The following ABHD12 variants were observed in gnomAD, a reference collection of about 807,000 sequenced individuals.
ABHD12 encodes abhydrolase domain containing 12, lysophospholipase, also known as lysophosphatidylserine lipase ABHD12.
ABHD12 carries 43 observed loss-of-function variants against 58.3 expected under a neutral mutation model. The observed-to-expected ratio is 0.74, with a 90% CI of 0.58 to 0.95. The LOEUF is 0.95. ABHD12 is among the 40% of genes least tolerant of loss of function. The pLI is 0.00. For synonymous variants in ABHD12, 219 were observed against 211.2 expected (o/e 1.04, Z -0.32); for missense variants, 539 against 537.2 (o/e 1.00, Z -0.03).
At chr20:25,335,020 C>G (rs2089339896) in intron 2 of ABHD12, among the ~76,000 whole-genome samples, 1 of 151,926 alleles carries the variant, frequency 6.6e-6, no homozygotes, top group Admixed American at 6.6e-5. Flanking sequence ...GAATAGGCAA[C>G]CTACAAAATG....
Position 25,303,629 on chromosome 20 carries a change from C to T in ABHD12, c.951-1G>A, listed in dbSNP as rs2145920950. 6.2e-7 allele frequency: 1 copy of T among 1,613,630 alleles called. No individual in the cohort carries two copies. The highest frequency in any genetic ancestry group is 1.3e-5 in the African/African-American group (1 of 75,048). ...CAGGGGACAGGAGATGTGCTTCACG[C>T]TGTAGGAGGGAGAAGGGGCTAGACC... On this transcript the variant is annotated splice_acceptor_variant, in intron 10 of 12. Coordinates refer to ENST00000339157, the MANE Select transcript of ABHD12 (RefSeq NM_001042472.3). LOFTEE classifies it high-confidence loss of function.
At chr20:25,379,806 C>T (rs2090001554) in intron 1 of ABHD12, among the ~76,000 whole-genome samples, 1 of 151,786 alleles carries the variant, frequency 6.6e-6, no homozygotes, top group African/African-American at 2.4e-5. Flanking sequence ...ATGGCTCACA[C>T]AGTCTTGACC....
At chr20:25,307,208 C>G (rs1428785867) in intron 9 of ABHD12, among the ~76,000 whole-genome samples, 1 of 152,240 alleles carries the variant, frequency 6.6e-6, no homozygotes. Context: ...CCAGCCAGGC[C>G]AGAATCCACC....
intron 2 of ABHD12, among the ~76,000 whole-genome samples, chr20:25,335,724 G>A (rs1357934140): frequency 2.0e-5 from 3 of 148,606 alleles, no homozygotes; most frequent in African/African-American, 5.0e-5. Context: ...ACCAAACACC[G>A]CATATTCTCA....
chr20:25,382,940 G>GC (rs1170351303), intron 1 of ABHD12, among the ~76,000 whole-genome samples: 1 of 146,326 alleles, frequency 6.8e-6, no homozygotes, highest in Non-Finnish European at 1.5e-5. Flanking sequence ...TACCAGTTGA[G>GC]GGGGGGGGCC....
chr20:25,388,312 G>A (rs1490754640), intron 1 of ABHD12, among the ~76,000 whole-genome samples: 1 of 152,214 alleles, frequency 6.6e-6, no homozygotes, highest in African/African-American at 2.4e-5. Flanking sequence ...CATTCAACAA[G>A]TATTTTCTGC....
At position 25,323,431 on chromosome 20, in the gene ABHD12, C is replaced by T. The variant is rs757242322; in HGVS notation, c.317-1G>A. On this transcript the variant is annotated splice_acceptor_variant, in intron 2 of 12. Coordinates refer to ENST00000339157, the MANE Select transcript of ABHD12 (RefSeq NM_001042472.3). LOFTEE classifies it high-confidence loss of function. The stretch of plus-strand genomic sequence containing the variant: ...AAATCAATGAAATAGGGAACTCTTA[C>T]TGTAGGAAATAAAGAGATGGAAATT... 6.3e-7 allele frequency: 1 copy of T among 1,585,612 alleles called. No individual in the cohort carries two copies. Among genetic ancestry groups the T allele is most frequent in the Non-Finnish European group, 8.7e-7 (1 of 1,154,084 alleles).
chr20:25,359,246 C>A (rs1663803883), intron 1 of ABHD12, among the ~76,000 whole-genome samples: 1 of 150,852 alleles, frequency 6.6e-6, no homozygotes, highest in South Asian at 2.1e-4. Context: ...ACGGTGAAAC[C>A]CCGTCTCTAC....
At chr20:25,345,775 C>T (rs535250141) in intron 1 of ABHD12, among the ~76,000 whole-genome samples, 3 of 152,238 alleles carry the variant, frequency 2.0e-5, no homozygotes, top group African/African-American at 7.2e-5. Context: ...ATGCAAAACA[C>T]TGATAACACT....
At chr20:25,366,477 G>T (rs1238395629) in intron 1 of ABHD12, among the ~76,000 whole-genome samples, 1 of 151,976 alleles carries the variant, frequency 6.6e-6, no homozygotes, top group Non-Finnish European at 1.5e-5. Flanking sequence ...TGTTGGTCAG[G>T]CTGGTCTCGA....
At chr20:25,311,872 T>C (rs117915702) in intron 6 of ABHD12, among the ~76,000 whole-genome samples, 4,630 of 152,042 alleles carry the variant, frequency 0.03, 122 homozygotes, top group Non-Finnish European at 0.044. Context: ...GCTCAGCTAC[T>C]TTTTTTTGTA....
At chr20:25,373,829 T>G (rs1302902871) in intron 1 of ABHD12, among the ~76,000 whole-genome samples, 1 of 152,196 alleles carries the variant, frequency 6.6e-6, no homozygotes, top group Non-Finnish European at 1.5e-5. Flanking sequence ...TGGCCACTAT[T>G]TCTTCAAATA....
At chr20:25,320,418 G>A (rs749206490) in intron 3 of ABHD12, 100 bp from the exon 4 acceptor site, 378 of 1,507,956 alleles carry the variant, frequency 2.5e-4, no homozygotes, top group Non-Finnish European at 3.1e-4. Flanking sequence ...AGTCCAGACA[G>A]CAGGGAGCTG....
intron 2 of ABHD12, among the ~76,000 whole-genome samples, chr20:25,334,564 G>C (rs932075737): frequency 6.6e-6 from 1 of 152,082 alleles, no homozygotes; most frequent in Non-Finnish European, 1.5e-5. Context: ...ATACTACAAG[G>C]CTACAGTAAC....
At chr20:25,381,086 C>T (rs1485564538) in intron 1 of ABHD12, among the ~76,000 whole-genome samples, 2 of 152,050 alleles carry the variant, frequency 1.3e-5, no homozygotes, top group African/African-American at 4.8e-5. Flanking sequence ...AGCCCCTAGC[C>T]GGTCTCCCTG....
intron 1 of ABHD12, among the ~76,000 whole-genome samples, chr20:25,363,762 G>A (rs1468440876): frequency 6.6e-6 from 1 of 152,066 alleles, no homozygotes; most frequent in Non-Finnish European, 1.5e-5. Flanking sequence ...ATACTTGGGA[G>A]GCTGAGGCAG....
At chr20:25,335,177 G>T (rs1343076403) in intron 2 of ABHD12, among the ~76,000 whole-genome samples, 1 of 152,196 alleles carries the variant, frequency 6.6e-6, no homozygotes, top group Non-Finnish European at 1.5e-5. Context: ...AAAGAAGACA[G>T]TTATGTAGCC....
intron 2 of ABHD12, among the ~76,000 whole-genome samples, chr20:25,327,719 G>A (rs2089200041): frequency 6.6e-6 from 1 of 152,102 alleles, no homozygotes; most frequent in African/African-American, 2.4e-5. Context: ...TAACATTTTG[G>A]CCACAAGATT....
intron 1 of ABHD12, among the ~76,000 whole-genome samples, chr20:25,385,827 G>A (rs561380459): frequency 5.9e-5 from 9 of 152,024 alleles, no homozygotes; most frequent in Non-Finnish European, 4.4e-5. Context: ...GGCCGGGTGC[G>A]GTGGCTGACA....
Sources: allele counts gnomAD v4.1 joint callset (sites outside exome capture counted in the v4.1 genomes callset), GRCh38; gene constraint gnomAD v4.1.1; transcripts MANE v1.5; gene names NCBI Gene and HGNC (gene_info 2026-07-23, HGNC 2026-07-21).